Variants in CTIF observed in about 807,000 individuals in gnomAD.
The protein encoded by CTIF is cap binding complex dependent translation initiation factor, also known as CBP80/20-dependent translation initiation factor.
In CTIF, 21 loss-of-function variants were observed where a neutral mutation model predicts 66.0. The ratio of observed to expected loss-of-function variants is 0.32; its 90% CI spans 0.23 to 0.46. CTIF has a LOEUF of 0.46. Among genes scored for constraint, CTIF ranks in the 20% least tolerant of loss-of-function variants. CTIF has a pLI of 1.00. For missense variants in CTIF, 739 were observed against 812.7 expected, an observed-to-expected ratio of 0.91 and a Z score of 1.10; for synonymous variants, 345 against 326.4, an observed-to-expected ratio of 1.06 and a Z score of -0.62.
intron 1 of CTIF, among the ~76,000 whole-genome samples, chr18:48,616,506 T>C (rs747456875): frequency 6.6e-6 from 1 of 152,054 alleles, no homozygotes; most frequent in Admixed American, 6.6e-5. Flanking sequence ...GAGAAGGCAG[T>C]TGGGGTATAG....
At chr18:48,857,735 T>A in intron 11 of CTIF, 94 bp downstream of exon 11, 1 of 1,211,556 alleles carries the variant, frequency 8.3e-7, no homozygotes, top group Non-Finnish European at 1.2e-6. Context: ...TGGAGGCATT[T>A]ACAAGTCCAG....
intron 6 of CTIF, among the ~76,000 whole-genome samples, chr18:48,688,950 T>C (rs1598874376): frequency 6.6e-6 from 1 of 152,192 alleles, no homozygotes; most frequent in Non-Finnish European, 1.5e-5. Flanking sequence ...CTCATCCAAG[T>C]GAGAACTGCA....
intron 7 of CTIF, among the ~76,000 whole-genome samples, chr18:48,720,592 A>C (rs993568952): frequency 6.6e-6 from 1 of 152,166 alleles, no homozygotes; most frequent in Non-Finnish European, 1.5e-5. Context: ...AAGCAAAATG[A>C]GTCAGATAAG....
At chr18:48,563,142 A>G (rs2089200190) in intron 1 of CTIF, among the ~76,000 whole-genome samples, 2 of 152,168 alleles carry the variant, frequency 1.3e-5, no homozygotes, top group African/African-American at 4.8e-5. Context: ...CCCTGTTTGC[A>G]GATTAGTGAC....
intron 1 of CTIF, among the ~76,000 whole-genome samples, chr18:48,598,226 C>T (rs1568061009): frequency 6.6e-6 from 1 of 152,232 alleles, no homozygotes; most frequent in Non-Finnish European, 1.5e-5. Flanking sequence ...TAAGGAACAT[C>T]ACAGGCATCC....
intron 10 of CTIF, among the ~76,000 whole-genome samples, chr18:48,844,088 C>T (rs113640909): frequency 4.7e-4 from 72 of 152,370 alleles, no homozygotes; most frequent in Middle Eastern, 3.4e-3. Flanking sequence ...CAGAGGCCCC[C>T]TCTCAAAAGG....
intron 10 of CTIF, among the ~76,000 whole-genome samples, chr18:48,849,879 C>G (rs1052471822): frequency 2.6e-5 from 4 of 152,106 alleles, no homozygotes; most frequent in Non-Finnish European, 5.9e-5. Flanking sequence ...CCACCGTGCC[C>G]GGCCCATTTT....
intron 7 of CTIF, among the ~76,000 whole-genome samples, chr18:48,730,351 C>CCG (rs2092433271): frequency 9.2e-6 from 1 of 108,552 alleles, no homozygotes. Context: ...TGAGGGGCTC[C>CCG]TGCTGTGTGA....
chr18:48,563,273 G>A (rs73956915), intron 1 of CTIF, among the ~76,000 whole-genome samples: 2,263 of 152,228 alleles, frequency 0.015, 53 homozygotes, highest in African/African-American at 0.052. Context: ...AAAGGCTGGG[G>A]TGACTCACTT....
intron 3 of CTIF, 64 bp from the exon 4 acceptor site, chr18:48,663,688 C>G: frequency 6.8e-7 from 1 of 1,476,370 alleles, no homozygotes; most frequent in Non-Finnish European, 9.5e-7. Context: ...CAGGCCCTGG[C>G]CCCGTGTTCT....
intron 1 of CTIF, among the ~76,000 whole-genome samples, chr18:48,572,499 A>T (rs1185491381): frequency 6.6e-6 from 1 of 152,160 alleles, no homozygotes; most frequent in Non-Finnish European, 1.5e-5. Flanking sequence ...CGGCTCAGAG[A>T]GGTAAATTAA....
At chr18:48,763,712 G>C (rs1343865797) in intron 9 of CTIF, among the ~76,000 whole-genome samples, 2 of 152,204 alleles carry the variant, frequency 1.3e-5, no homozygotes, top group South Asian at 4.1e-4. Flanking sequence ...CCCTGGGAAA[G>C]TGCAAGCAAC....
At chr18:48,836,895 C>T (rs978224379) in intron 10 of CTIF, among the ~76,000 whole-genome samples, 4 of 152,206 alleles carry the variant, frequency 2.6e-5, no homozygotes, top group Non-Finnish European at 4.4e-5. Flanking sequence ...GAGAGGGCGC[C>T]GGGGCCCAGT....
chr18:48,603,560 T>C (rs1470263820), intron 1 of CTIF, among the ~76,000 whole-genome samples: 2 of 137,596 alleles, frequency 1.5e-5, no homozygotes, highest in African/African-American at 5.6e-5. Context: ...GATGGATGGA[T>C]AAATGGGGGG....
At chr18:48,800,898 T>C (rs1245526749) in intron 9 of CTIF, among the ~76,000 whole-genome samples, 1 of 152,214 alleles carries the variant, frequency 6.6e-6, no homozygotes, top group East Asian at 1.9e-4. Flanking sequence ...AAACTCAATC[T>C]CAGGCGTGTC....
intron 7 of CTIF, among the ~76,000 whole-genome samples, chr18:48,718,418 A>C (rs2092301491): frequency 6.6e-6 from 1 of 152,208 alleles, no homozygotes; most frequent in Non-Finnish European, 1.5e-5. Flanking sequence ...CATCTGCTGC[A>C]AGCTAGAGAA....
chr18:48,707,583 T>G (rs1217978813), intron 6 of CTIF, among the ~76,000 whole-genome samples: 1 of 151,978 alleles, frequency 6.6e-6, no homozygotes, highest in Non-Finnish European at 1.5e-5. Flanking sequence ...TCCCTTCTCC[T>G]CCTCTTCCTT....
chr18:48,696,051 G>T (rs1568144508), intron 6 of CTIF, among the ~76,000 whole-genome samples: 1 of 152,264 alleles, frequency 6.6e-6, no homozygotes, highest in South Asian at 2.1e-4. Flanking sequence ...GATCTGGCAG[G>T]TTTCGTGCAA....
At chr18:48,674,084 C>T (rs2091584195) in intron 6 of CTIF, among the ~76,000 whole-genome samples, 1 of 152,258 alleles carries the variant, frequency 6.6e-6, no homozygotes, top group African/African-American at 2.4e-5. Context: ...CCAAATCTTC[C>T]TCTTTCCTTC....
Sources: allele counts gnomAD v4.1 joint callset (sites outside exome capture counted in the v4.1 genomes callset), GRCh38; gene constraint gnomAD v4.1.1; transcripts MANE v1.5; gene names NCBI Gene and HGNC (gene_info 2026-07-23, HGNC 2026-07-21).